NFE2L3: variants seen among roughly 807,000 people sequenced by gnomAD.
NFE2L3 encodes the protein nuclear factor erythroid 2-related factor 3.
Under a neutral mutation model 23.5 loss-of-function variants are expected in NFE2L3, and 18 were observed. The ratio of observed to expected loss-of-function variants is 0.77; its 90% CI spans 0.53 to 1.13. The LOEUF is 1.13. Ranked by LOEUF, NFE2L3 falls within the 50% of genes most tolerant of loss-of-function variation. NFE2L3 has a pLI of 0.00. For synonymous variants in NFE2L3, 424 were observed against 354.5 expected (o/e 1.20, Z -2.20); for missense variants, 1,152 against 877.2 (o/e 1.31, Z -3.96).
In NFE2L3 at chr7:26,153,044, GGAC is replaced by G; in HGVS notation, c.548_550del (p.Asp183del). 6.6e-7 allele frequency: 1 copy of G among 1,526,708 alleles called. No homozygotes were observed. 94.6% of individuals were successfully genotyped at this position (1,526,708 alleles called of 1,614,324 possible). On this transcript the variant is annotated inframe_deletion, in exon 1 of 4. Coordinates refer to ENST00000056233, the MANE Select transcript of NFE2L3 (RefSeq NM_004289.7). The stretch of plus-strand genomic sequence containing the variant: ...CCGCGGAACCGACGGCTCAGGTGCC[GGAC>G]GCTGGCGGATGTGCGAGCGAGGTAG...
intron 1 of NFE2L3, among the ~76,000 whole-genome samples, chr7:26,165,030 C>T (rs1218842608): frequency 1.3e-5 from 2 of 152,270 alleles, no homozygotes; most frequent in East Asian, 1.9e-4. Flanking sequence ...GTACCAGTAC[C>T]ATGCTGTTTT....
chr7:26,163,994 T>C (rs1784209541), intron 1 of NFE2L3, among the ~76,000 whole-genome samples: 1 of 152,246 alleles, frequency 6.6e-6, no homozygotes. Flanking sequence ...ACTCATCCTT[T>C]TTTATGGCTG....
rs1784438257 is a variant in NFE2L3, at chr7:26,177,614, A to AAGGG, written c.571-325_571-322dup. 2.0e-5 allele frequency among the ~76,000 whole-genome samples: 3 copies of AAGGG among 151,598 alleles called. No individual in the cohort carries two copies. The South Asian group carries it at 6.2e-4, about 31-fold the overall frequency. On this transcript the variant is annotated intron_variant, in intron 1 of 3. Coordinates refer to ENST00000056233, the MANE Select transcript of NFE2L3 (RefSeq NM_004289.7). ...CGTCGAAAGGAGGGAAGGAGGGAGG[A>AAGGG]AGGGAGGAAGGAAGGAATCAATTTT...
At chr7:26,166,695 A>C (rs1784256862) in intron 1 of NFE2L3, among the ~76,000 whole-genome samples, 1 of 152,232 alleles carries the variant, frequency 6.6e-6, no homozygotes, top group Non-Finnish European at 1.5e-5. Context: ...ACAAACCACT[A>C]TTAAAAACCA....
chr7:26,171,763 A>G (rs180790769), intron 1 of NFE2L3, among the ~76,000 whole-genome samples: 169 of 152,204 alleles, frequency 1.1e-3, no homozygotes, highest in African/African-American at 4.0e-3. Flanking sequence ...AGGAGTGATG[A>G]CCCACACCTA....
chr7:26,177,310 T>C (rs900568528), intron 1 of NFE2L3, among the ~76,000 whole-genome samples: 3 of 151,884 alleles, frequency 2.0e-5, no homozygotes, highest in Non-Finnish European at 2.9e-5. Flanking sequence ...CTGGGCAACA[T>C]TGAGCATTGA....
At chr7:26,163,640 C>T (rs533654921) in intron 1 of NFE2L3, among the ~76,000 whole-genome samples, 3 of 152,314 alleles carry the variant, frequency 2.0e-5, no homozygotes, top group Admixed American at 6.5e-5. Flanking sequence ...AGCTACCACA[C>T]GTGGCCAGGA....
At position 26,187,028 on chromosome 7, in the gene NFE2L3, A is replaced by AT. The variant is rs1782504551; in HGVS notation, c.*1245_*1246insT. 1 of 152,202 alleles carries AT rather than the reference A, an allele frequency of 6.6e-6. No homozygotes were observed. Among genetic ancestry groups the AT allele is most frequent in the Admixed American group, 6.5e-5 (1 of 15,278 alleles). 9.4% of individuals were successfully genotyped at this position (152,202 alleles called of 1,614,324 possible). A position where few individuals can be genotyped will look rare whatever the true frequency, so the allele number is the denominator to read the frequency against. ...TCTCAGATATTATTTCTGCCATAGGAGCTACAGTGTAGAGTATCACATAAG... is the reference window on the plus strand; with the variant it reads ...TCTCAGATATTATTTCTGCCATAGGATGCTACAGTGTAGAGTATCACATAAG... On this transcript the variant is annotated 3_prime_UTR_variant, in exon 4 of 4. Transcript: ENST00000056233.
At chr7:26,173,254 GT>G (rs1478685444) in intron 1 of NFE2L3, among the ~76,000 whole-genome samples, 1 of 152,080 alleles carries the variant, frequency 6.6e-6, no homozygotes, top group Non-Finnish European at 1.5e-5. Flanking sequence ...CACTCAAAAA[GT>G]TTCCCCCCAC....
chr7:26,164,427 A>G (rs1784217033), intron 1 of NFE2L3, among the ~76,000 whole-genome samples: 2 of 151,998 alleles, frequency 1.3e-5, no homozygotes, highest in African/African-American at 4.8e-5. Flanking sequence ...GCATTTTTTC[A>G]TGTGTCTTTT....
chr7:26,185,036 T>TATA lies in NFE2L3; in HGVS notation c.1339_1341dup (p.Ile447dup), dbSNP rs779605917. 1 of 1,613,740 alleles carries TATA rather than the reference T, an allele frequency of 6.2e-7. No homozygotes were observed. On this transcript the variant is annotated inframe_insertion, in exon 4 of 4. Coordinates refer to ENST00000056233, the MANE Select transcript of NFE2L3 (RefSeq NM_004289.7). ...CTCACTCTGTGTGTGATGAAGGTGC[T>TATA]ATAGGTTATTGCACTGACCATGAAT...
chr7:26,181,981 T>C (rs1562677983), intron 2 of NFE2L3, among the ~76,000 whole-genome samples: 3 of 151,926 alleles, frequency 2.0e-5, no homozygotes, highest in Non-Finnish European at 4.4e-5. Context: ...AAGAGAAAAA[T>C]CTAAGTTACT....
intron 3 of NFE2L3, 23 bp from the exon 4 acceptor site, chr7:26,184,510 A>G (rs1004382198): frequency 2.5e-5 from 40 of 1,584,512 alleles, no homozygotes; most frequent in African/African-American, 1.4e-5. Flanking sequence ...TCATGTTTGA[A>G]GTGTTTCTCC....
intron 2 of NFE2L3, among the ~76,000 whole-genome samples, chr7:26,183,264 T>C (rs1782370767): frequency 1.3e-5 from 2 of 151,914 alleles, no homozygotes; most frequent in African/African-American, 4.8e-5. Flanking sequence ...ATCAGAGAAA[T>C]AGGTCAGCTG....
intron 3 of NFE2L3, 193 bp downstream of exon 3, chr7:26,183,977 A>G: frequency 1.9e-6 from 1 of 533,558 alleles, no homozygotes. Context: ...GTATAATCAA[A>G]TTTAGACTAG....
At chr7:26,153,101 G>A in intron 1 of NFE2L3, 33 bp downstream of exon 1, 1 of 1,500,910 alleles carries the variant, frequency 6.7e-7, no homozygotes, top group Non-Finnish European at 8.8e-7. Flanking sequence ...GCGAAGTGCG[G>A]CGTCTACGCC....
chr7:26,157,841 G>A (rs1417527277), intron 1 of NFE2L3, among the ~76,000 whole-genome samples: 1 of 152,152 alleles, frequency 6.6e-6, no homozygotes, highest in Non-Finnish European at 1.5e-5. Flanking sequence ...CAAGATCAAG[G>A]TGTCAGCAGA....
At chr7:26,171,973 C>T (rs1784333690) in intron 1 of NFE2L3, among the ~76,000 whole-genome samples, 1 of 152,226 alleles carries the variant, frequency 6.6e-6, no homozygotes, top group Non-Finnish European at 1.5e-5. Context: ...GACTGTATCT[C>T]AAATACAAGT....
Position 26,178,124 on chromosome 7 carries a change from T to A in NFE2L3, c.750+2T>A. The A allele has an allele frequency of 3.7e-6, 6 of 1,609,454 alleles. No individual in the cohort carries two copies. The highest frequency in any genetic ancestry group is 5.1e-6 in the Non-Finnish European group (6 of 1,178,204). ...AAGACCACTGAATCTAGAAATGAGGTAAGCCTGTCAGAATATTCAAGCCTT... is the reference window on the plus strand; with the variant it reads ...AAGACCACTGAATCTAGAAATGAGGAAAGCCTGTCAGAATATTCAAGCCTT... On this transcript the variant is annotated splice_donor_variant, in intron 2 of 3. Transcript: ENST00000056233. LOFTEE classifies it high-confidence loss of function.
Sources: allele counts gnomAD v4.1 joint callset (sites outside exome capture counted in the v4.1 genomes callset), GRCh38; gene constraint gnomAD v4.1.1; transcripts MANE v1.5; gene names NCBI Gene and HGNC (gene_info 2026-07-23, HGNC 2026-07-21).